Variants in UGT1A10 observed in about 807,000 individuals in gnomAD.
UGT1A10 encodes the protein UDP-glucuronosyltransferase 1A10.
UGT1A10 carries 49 observed loss-of-function variants against 45.8 expected under a neutral mutation model. The observed-to-expected ratio is 1.07, with a 90% CI of 0.85 to 1.36. The LOEUF is 1.36. Ranked by LOEUF, UGT1A10 falls within the 40% of genes most tolerant of loss-of-function variation. The pLI is 0.00. For synonymous variants in UGT1A10, 284 were observed against 249.7 expected (o/e 1.14, Z -1.29); for missense variants, 745 against 668.6 (o/e 1.11, Z -1.26).
intron 1 of UGT1A10, chr2:233,690,499 C>T (rs1559344256): frequency 7.8e-7 from 1 of 1,289,698 alleles, no homozygotes; most frequent in Non-Finnish European, 1.0e-6. Context: ...CTCTTGCCAA[C>T]AGAGATTTGT....
intron 1 of UGT1A10, among the ~76,000 whole-genome samples, chr2:233,658,078 G>T (rs2073894184): frequency 6.6e-6 from 1 of 151,264 alleles, no homozygotes; most frequent in African/African-American, 2.4e-5. Context: ...GAGTGCAGTG[G>T]GGCAATCTTG....
chr2:233,772,380 C>T lies in UGT1A10; in HGVS notation c.1414C>T (p.Arg472Cys), dbSNP rs566674185. ...GAGGCACAAGGGCGCGCCACACCTGCGCCCCGCAGCCCACGACCTCACCTG... is the reference window on the plus strand; with the variant it reads ...GAGGCACAAGGGCGCGCCACACCTGTGCCCCGCAGCCCACGACCTCACCTG... ...VMRHKGAPHL[R>C]PAAHDLTWYQ... The change falls in exon 5 of 5, where the codon CGC becomes TGC. Residue 472 changes from arginine to cysteine, a missense_variant. Coordinates refer to ENST00000344644, the MANE Select transcript of UGT1A10 (RefSeq NM_019075.4). 5.6e-6 allele frequency: 9 copies of T among 1,614,144 alleles called. No homozygotes were observed. The highest frequency in any genetic ancestry group is 4.0e-5 in the African/African-American group (3 of 74,944).
In UGT1A10 at chr2:233,769,857, C is replaced by CAAA. The variant is rs879204025; in HGVS notation, c.1295+1433_1295+1435dup. 4.7e-4 allele frequency: 105 copies of CAAA among 224,472 alleles called. No individual in the cohort carries two copies. Among genetic ancestry groups the CAAA allele is most frequent in the South Asian group, 1.3e-3 (12 of 9,146 alleles). The allele number at this position is 224,472 out of a possible 1,614,324, so 13.9% of individuals were successfully genotyped here. ...TGGGCAACAGAGTGAGACCCTGTCT[C>CAAA]AAAAAAAAAAAAAAAAATGAAAAGT... On this transcript the variant is annotated intron_variant, in intron 4 of 4. Coordinates refer to ENST00000344644, the MANE Select transcript of UGT1A10 (RefSeq NM_019075.4). This position sits in a 1 kb window ranked among gnomAD's most constrained non-coding sequence, Gnocchi z 4.4.
rs368882210 is a variant in UGT1A10 at position 233,718,907 on chromosome 2, A to G, written c.856-48127A>G. The G allele has an allele frequency of 5.1e-5, 83 of 1,614,008 alleles. No homozygotes were observed. In the East Asian group the frequency reaches 5.3e-4, roughly 10 times the overall value. On this transcript the variant is annotated intron_variant, in intron 1 of 4. Coordinates refer to ENST00000344644, the MANE Select transcript of UGT1A10 (RefSeq NM_019075.4). ...GTGTCCAGCCCTGGGCTGAGAGTGG[A>G]AAGGTGTTGGTGGTGCCCACTGATG...
chr2:233,769,811 T>C lies in UGT1A10; in HGVS notation c.1295+1372T>C. 9.8e-7 allele frequency: 1 copy of C among 1,015,422 alleles called. No individual in the cohort carries two copies. The highest frequency in any genetic ancestry group is 2.2e-5 in the South Asian group (1 of 46,182). The allele number at this position is 1,015,422 out of a possible 1,614,324, so 62.9% of individuals were successfully genotyped here. A position where few individuals can be genotyped will look rare whatever the true frequency, so the allele number is the denominator to read the frequency against. On this transcript the variant is annotated intron_variant, in intron 4 of 4. Transcript: ENST00000344644. This position sits in a 1 kb window ranked among gnomAD's most constrained non-coding sequence, Gnocchi z 4.4. ...TGGAGGCTGCTATGAGCCGTGATCA[T>C]GCCACTGCACTCCAGCAACCTGGGC...
chr2:233,757,244 TG>T (rs1006811310), intron 1 of UGT1A10, among the ~76,000 whole-genome samples: 12 of 99,552 alleles, frequency 1.2e-4, no homozygotes, highest in African/African-American at 4.8e-4. Context: ...GGTGGTGAGG[TG>T]GGGTTATTCA....
Position 233,769,781 on chromosome 2 carries a change from G to A in UGT1A10, c.1295+1342G>A. On this transcript the variant is annotated intron_variant, in intron 4 of 4. Coordinates refer to ENST00000344644, the MANE Select transcript of UGT1A10 (RefSeq NM_019075.4). The surrounding 1 kb of genome is among the most constrained non-coding windows in gnomAD (Gnocchi z 4.4). ...AAGGCGGGAGGATTGCTTGAGCCCAGAAGTTGGAGGCTGCTATGAGCCGTG... is the reference window on the plus strand; with the variant it reads ...AAGGCGGGAGGATTGCTTGAGCCCAAAAGTTGGAGGCTGCTATGAGCCGTG... 1 of 1,329,528 alleles carries A rather than the reference G, an allele frequency of 7.5e-7. No homozygotes were observed. The highest frequency in any genetic ancestry group is 9.9e-7 in the Non-Finnish European group (1 of 1,014,222). 82.4% of individuals were successfully genotyped at this position (1,329,528 alleles called of 1,614,324 possible). A position where few individuals can be genotyped will look rare whatever the true frequency, so the allele number is the denominator to read the frequency against.
In UGT1A10 at chr2:233,636,984, C is replaced by A; in HGVS notation, c.462C>A (p.Gly154=). 6.2e-7 allele frequency: 1 copy of A among 1,614,042 alleles called. No individual in the cohort carries two copies. The highest frequency in any genetic ancestry group is 8.5e-7 in the Non-Finnish European group (1 of 1,180,010). ...AVFLDPFDTC[G]LIVAKYFSLP... ...TTCTGGATCCTTTTGATACCTGTGG[C>A]TTAATTGTTGCTAAATATTTCTCCC... is the stretch of plus-strand genomic sequence containing the variant. The change falls in exon 1 of 5, where the codon GGC becomes GGA. Residue 154 remains glycine (G), a synonymous_variant. Coordinates refer to ENST00000344644, the MANE Select transcript of UGT1A10 (RefSeq NM_019075.4).
At chr2:233,729,659 G>A in intron 1 of UGT1A10, 1 of 1,613,886 alleles carries the variant, frequency 6.2e-7, no homozygotes, top group Non-Finnish European at 8.5e-7. Context: ...AACATTCCAT[G>A]TGATTTAGAC....
At position 233,638,188 on chromosome 2, in the gene UGT1A10, A is replaced by G. The variant is rs574931161; in HGVS notation, c.855+811A>G. 2.6e-4 allele frequency among the ~76,000 whole-genome samples: 39 copies of G among 152,264 alleles called. 1 individual carries two copies. The highest frequency in any genetic ancestry group is 3.4e-3 in the Middle Eastern group (1 of 294). ...CAGGAACATATATGTCTCACTATTT[A>G]TTCAGATCTTGTTTTATATACATAA... On this transcript the variant is annotated intron_variant, in intron 1 of 4. Coordinates refer to ENST00000344644, the MANE Select transcript of UGT1A10 (RefSeq NM_019075.4).
chr2:233,665,794 A>C (rs1421001374), intron 1 of UGT1A10, among the ~76,000 whole-genome samples: 1 of 152,214 alleles, frequency 6.6e-6, no homozygotes, highest in African/African-American at 2.4e-5. Flanking sequence ...CTTATGGATA[A>C]ATACCCAACA....
chr2:233,769,533 A>G lies in UGT1A10; in HGVS notation c.1295+1094A>G. The G allele has an allele frequency of 6.2e-7, 1 of 1,612,916 alleles. No homozygotes were observed. The highest frequency in any genetic ancestry group is 8.5e-7 in the Non-Finnish European group (1 of 1,179,872). On this transcript the variant is annotated intron_variant, in intron 4 of 4. Transcript: ENST00000344644. The surrounding 1 kb of genome is among the most constrained non-coding windows in gnomAD (Gnocchi z 4.4). Reference sequence around the variant, plus strand: ...TCTCCCATGGTTACCTCCTTTAGAAAGAAGCAGCAGTCAGGAAGACAGATG... The same window carrying G: ...TCTCCCATGGTTACCTCCTTTAGAAGGAAGCAGCAGTCAGGAAGACAGATG...
intron 1 of UGT1A10, among the ~76,000 whole-genome samples, chr2:233,695,130 C>CTTTTCTTTCTTTTT (rs2075264545): frequency 7.2e-6 from 1 of 138,840 alleles, no homozygotes; most frequent in African/African-American, 2.7e-5. Flanking sequence ...CTTTTCTTTT[C>CTTTTCTTTCTTTTT]TTTTTTTTTT....
chr2:233,738,821 A>C (rs1039985874), intron 1 of UGT1A10: 1 of 152,270 alleles, frequency 6.6e-6, no homozygotes, highest in African/African-American at 2.4e-5. Context: ...AATTTGAATA[A>C]ATAAGGAGGA....
At chr2:233,719,705 C>T (rs774192845) in intron 1 of UGT1A10, 50 of 1,613,844 alleles carry the variant, frequency 3.1e-5, no homozygotes, top group Middle Eastern at 1.7e-4. Context: ...TTGGTGCCTT[C>T]ATCCAATCAA....
intron 1 of UGT1A10, chr2:233,755,330 C>T (rs1695864854): frequency 6.5e-6 from 3 of 463,614 alleles, no homozygotes; most frequent in East Asian, 7.0e-5. Context: ...TGCCAGCACC[C>T]GCGCACAGGT....
chr2:233,693,045 G>A (rs2075129048), intron 1 of UGT1A10: 2 of 1,614,114 alleles, frequency 1.2e-6, no homozygotes, highest in South Asian at 1.1e-5. Flanking sequence ...ATTTCTGCAG[G>A]GGTTTTCTTC....
Position 233,637,215 on chromosome 2 carries a change from C to G in UGT1A10, c.693C>G (p.Ala231=). The change falls in exon 1 of 5, where the codon GCC becomes GCG. Residue 231 remains alanine, a synonymous_variant. Transcript: ENST00000344644. The part of the protein sequence containing the change: ...QYLFRNALEI[A]SEILQTPVTA... The stretch of plus-strand genomic sequence containing the variant: ...TTTTTAGAAATGCCCTAGAAATAGC[C>G]TCTGAAATTCTCCAAACCCCTGTCA... The G allele has an allele frequency of 2.5e-6, 4 of 1,613,778 alleles. No individual in the cohort carries two copies. In the South Asian group the frequency reaches 4.4e-5, roughly 18 times the overall value.
intron 1 of UGT1A10, among the ~76,000 whole-genome samples, chr2:233,759,654 A>G: frequency 8.3e-6 from 1 of 120,204 alleles, no homozygotes; most frequent in Non-Finnish European, 1.6e-5. Flanking sequence ...CACGATTTCT[A>G]AGTTCCTGCT....
Sources: gnomAD v4.1 joint callset for allele counts (sites outside exome capture counted in the v4.1 genomes callset) on GRCh38, gnomAD v4.1.1 for gene constraint, Gnocchi (gnomAD v3.1) non-coding constraint, MANE v1.5 for transcripts, NCBI Gene and HGNC (gene_info 2026-07-23, HGNC 2026-07-21) for gene names.